LRRIQ1: variants seen among roughly 807,000 people sequenced by gnomAD.
LRRIQ1 encodes the protein leucine-rich repeat- and IQ domain-containing protein 1.
In LRRIQ1, 210 loss-of-function variants were observed where a neutral mutation model predicts 211.9. That is an observed-to-expected ratio of 0.99 (90% CI 0.89 to 1.11). LRRIQ1 has a LOEUF of 1.11. LRRIQ1 is among the 50% of genes most tolerant of loss of function. The pLI, the probability that LRRIQ1 is intolerant of heterozygous loss-of-function variation, is 0.00. For missense variants in LRRIQ1, 2,136 were observed against 1,939.5 expected (o/e 1.10, Z -1.90); for synonymous variants, 699 against 650.1 (o/e 1.08, Z -1.14).
intron 11 of LRRIQ1, among the ~76,000 whole-genome samples, chr12:85,080,679 T>TG (rs1198090561): frequency 2.0e-5 from 3 of 151,488 alleles, no homozygotes; most frequent in Non-Finnish European, 4.4e-5. Flanking sequence ...TTGTTTTTTT[T>TG]TTTACTTGAC....
At chr12:85,230,840 G>C (rs1329160969) in intron 25 of LRRIQ1, among the ~76,000 whole-genome samples, 1 of 152,114 alleles carries the variant, frequency 6.6e-6, no homozygotes. Context: ...ACGAGGTCAG[G>C]AGATCGAAAC....
chr12:85,110,658 G>A (rs573651499), intron 15 of LRRIQ1, among the ~76,000 whole-genome samples: 55 of 152,010 alleles, frequency 3.6e-4, no homozygotes, highest in Non-Finnish European at 7.2e-4. Flanking sequence ...AAGGAGAAAC[G>A]GCCTTGGCTA....
chr12:85,157,974 G>C (rs372285606), intron 23 of LRRIQ1, among the ~76,000 whole-genome samples: 1 of 151,796 alleles, frequency 6.6e-6, no homozygotes, highest in African/African-American at 2.4e-5. Flanking sequence ...ATGTTAAGGG[G>C]GAGGGACCAG....
intron 1 of LRRIQ1, among the ~76,000 whole-genome samples, chr12:85,260,129 T>TTAA (rs1555231664): frequency 7.7e-4 from 89 of 115,590 alleles, no homozygotes; most frequent in African/African-American, 2.7e-3. Context: ...TCATGTTGGT[T>TTAA]AAAAAAAAAA....
intron 15 of LRRIQ1, among the ~76,000 whole-genome samples, chr12:85,117,063 A>G (rs1887635763): frequency 1.3e-5 from 2 of 152,200 alleles, no homozygotes; most frequent in African/African-American, 4.8e-5. Context: ...CCCAGGTACA[A>G]CTGATACAGT....
chr12:85,203,362 A>G (rs565186464), intron 24 of LRRIQ1, among the ~76,000 whole-genome samples: 14 of 152,208 alleles, frequency 9.2e-5, no homozygotes, highest in Non-Finnish European at 1.9e-4. Context: ...ATGGACTAAT[A>G]CAGTAAATTG....
At chr12:85,044,602 G>A (rs1347404369) in intron 3 of LRRIQ1, 116 bp from the exon 4 acceptor site, 2 of 442,376 alleles carry the variant, frequency 4.5e-6, no homozygotes, top group Non-Finnish European at 8.3e-6. Context: ...TACTCTTACT[G>A]ATCAACAATA....
At chr12:85,089,148 G>T (rs998725385) in intron 11 of LRRIQ1, among the ~76,000 whole-genome samples, 3 of 152,180 alleles carry the variant, frequency 2.0e-5, no homozygotes, top group Non-Finnish European at 2.9e-5. Flanking sequence ...TTTTTAGCAT[G>T]AAGTGCTGTT....
chr12:85,056,459 A>G lies in LRRIQ1; in HGVS notation c.1666A>G (p.Ile556Val). ...GAATACAGGACAAAAAACCCAGATA[A>G]TATTAGGACATAACCAAGAAATCAG... ...NENTGQKTQI[I>V]LGHNQEISEV... The change falls in exon 8 of 27, where the codon ATA (isoleucine) becomes GTA (valine). Residue 556 changes from isoleucine (I) to valine (V), a missense_variant. Transcript: ENST00000393217. 1 of 1,606,774 alleles carries G rather than the reference A, an allele frequency of 6.2e-7. No homozygotes were observed.
At chr12:85,098,181 A>G (rs1174283688) in intron 11 of LRRIQ1, among the ~76,000 whole-genome samples, 174 bp from the exon 12 acceptor site, 5 of 152,158 alleles carry the variant, frequency 3.3e-5, no homozygotes, top group Admixed American at 1.3e-4. Flanking sequence ...GCCAGTTTAA[A>G]TAATAACACA....
At chr12:85,051,200 C>T (rs928276815) in intron 6 of LRRIQ1, among the ~76,000 whole-genome samples, 13 of 151,512 alleles carry the variant, frequency 8.6e-5, no homozygotes, top group African/African-American at 3.2e-4. Context: ...TCTCTCGCTC[C>T]CTCTCTTGCC....
At chr12:85,207,373 G>GA (rs1256072187) in intron 24 of LRRIQ1, among the ~76,000 whole-genome samples, 6 of 151,048 alleles carry the variant, frequency 4.0e-5, no homozygotes, top group African/African-American at 1.2e-4. Flanking sequence ...CATGTGTCCT[G>GA]AAAAAAAAAT....
intron 11 of LRRIQ1, among the ~76,000 whole-genome samples, chr12:85,089,000 G>A (rs927755080): frequency 6.6e-6 from 1 of 152,162 alleles, no homozygotes; most frequent in African/African-American, 2.4e-5. Flanking sequence ...GGTGAGAGAG[G>A]ACATCCTTGT....
In LRRIQ1 at chr12:85,124,157, C is replaced by T. The variant is rs143339016; in HGVS notation, c.3645C>T (p.His1215=). 3.8e-5 allele frequency: 62 copies of T among 1,613,998 alleles called. 1 individual carries two copies. In the African/African-American group the frequency reaches 6.5e-4, roughly 17 times the overall value. Residue 1215 remains histidine, a synonymous_variant, in exon 17 of 27, where the codon CAC becomes CAT. Transcript: ENST00000393217. Reference sequence around the variant, plus strand: ...TTAGTACTGAATACCGACATGCACACGAACGAGGGGATGTAACTATCACCA... The same window carrying T: ...TTAGTACTGAATACCGACATGCACATGAACGAGGGGATGTAACTATCACCA... ...MILSTEYRHA[H]ERGDVTITKK...
At position 85,072,947 on chromosome 12, in the gene LRRIQ1, AG is replaced by A. The variant is rs1883251827; in HGVS notation, c.2739del (p.Phe914SerfsTer52). On this transcript the variant is annotated frameshift_variant, in exon 11 of 27. Transcript: ENST00000393217. LOFTEE classifies it high-confidence loss of function. ...FLEEKLVDNA[G>X]FCHHLGTSTS... ...TGGAAGAAAAACTTGTTGACAATGC[AG>A]GGTTCTGCCATCACTTGGGCACCTC... 1 of 1,611,760 alleles carries A rather than the reference AG, an allele frequency of 6.2e-7. No homozygotes were observed. The highest frequency in any genetic ancestry group is 8.5e-7 in the Non-Finnish European group (1 of 1,178,854).
At chr12:85,206,972 T>G (rs1052672923) in intron 24 of LRRIQ1, among the ~76,000 whole-genome samples, 17 of 152,110 alleles carry the variant, frequency 1.1e-4, no homozygotes, top group Admixed American at 3.3e-4. Flanking sequence ...CCCCTGCAGA[T>G]GTTCCCACAC....
At chr12:85,050,925 C>CTA (rs1270281946) in intron 6 of LRRIQ1, among the ~76,000 whole-genome samples, 4 of 152,154 alleles carry the variant, frequency 2.6e-5, no homozygotes, top group Non-Finnish European at 5.9e-5. Context: ...CTCTTGCTAC[C>CTA]TATCTACAGA....
intron 1 of LRRIQ1, among the ~76,000 whole-genome samples, chr12:85,258,743 T>C (rs183052305): frequency 6.6e-6 from 1 of 152,140 alleles, no homozygotes; most frequent in Admixed American, 6.6e-5. Context: ...CCATGCTTTA[T>C]TTATGCTGTA....
chr12:85,180,678 A>C (rs1386423008), intron 24 of LRRIQ1, among the ~76,000 whole-genome samples: 1 of 151,990 alleles, frequency 6.6e-6, no homozygotes, highest in African/African-American at 2.4e-5. Context: ...TAAATGAATT[A>C]GTATGTGTAA....
Sources: allele counts gnomAD v4.1 joint callset (sites outside exome capture counted in the v4.1 genomes callset), GRCh38; gene constraint gnomAD v4.1.1; transcripts MANE v1.5; gene names NCBI Gene and HGNC (gene_info 2026-07-23, HGNC 2026-07-21).